The following KIF14 variants were observed in gnomAD, a reference collection of about 807,000 sequenced individuals.
The protein encoded by KIF14 is kinesin family member 14, also known as kinesin-like protein KIF14.
Under a neutral mutation model 176.2 loss-of-function variants are expected in KIF14, and 98 were observed. That is an observed-to-expected ratio of 0.56 (90% CI 0.47 to 0.66). The LOEUF (loss-of-function observed/expected upper bound fraction) is 0.66. KIF14 is among the 30% of genes least tolerant of loss of function. KIF14 has a pLI of 0.00. For missense variants in KIF14, 1,751 were observed against 1,920.4 expected (o/e 0.91, Z 1.65); for synonymous variants, 566 against 632.2 (o/e 0.90, Z 1.57).
At chr1:200,564,216 C>T (rs529420192) in intron 25 of KIF14, among the ~76,000 whole-genome samples, 2 of 149,078 alleles carry the variant, frequency 1.3e-5, no homozygotes, top group South Asian at 2.2e-4. Flanking sequence ...GCCAAGATCA[C>T]GCCACTGCAC....
chr1:200,600,346 T>G lies in KIF14; in HGVS notation c.2300+10A>C, dbSNP rs1257087870. 1 of 1,606,994 alleles carries G rather than the reference T, an allele frequency of 6.2e-7. No individual in the cohort carries two copies. The highest frequency in any genetic ancestry group is 8.5e-7 in the Non-Finnish European group (1 of 1,173,694). On this transcript the variant is annotated intron_variant, in intron 12 of 29. Coordinates refer to ENST00000367350, the MANE Select transcript of KIF14 (RefSeq NM_014875.3). Reference sequence around the variant, plus strand: ...CACACTTAACATTTAGAGTACTGACTGTACTCTACCTTTGCATTTCTGCCA... The same window carrying G: ...CACACTTAACATTTAGAGTACTGACGGTACTCTACCTTTGCATTTCTGCCA...
chr1:200,615,627 G>A lies in KIF14; in HGVS notation c.1113-18C>T, dbSNP rs1558094536. The A allele has an allele frequency of 8.8e-6, 14 of 1,582,836 alleles. No homozygotes were observed. The Admixed American group carries it at 1.5e-4, about 17-fold the overall frequency. On this transcript the variant is annotated intron_variant, in intron 2 of 29. Transcript: ENST00000367350. ...TCTTCTCTCTTGAAAGAAGCACAAA[G>A]AAAAAAATCAAGTAACTAAAATGAT...
At chr1:200,574,836 GATTT>G (rs1166536590) in intron 22 of KIF14, among the ~76,000 whole-genome samples, 2 of 151,028 alleles carry the variant, frequency 1.3e-5, no homozygotes, top group Non-Finnish European at 2.9e-5. Context: ...CTATCACTAT[GATTT>G]ATTATTTTGT....
chr1:200,603,563 G>A (rs892311393), intron 9 of KIF14, among the ~76,000 whole-genome samples: 1 of 151,908 alleles, frequency 6.6e-6, no homozygotes, highest in African/African-American at 2.4e-5. Context: ...CCTCCCACCT[G>A]AACCAAGTAG....
chr1:200,562,232 C>T (rs1317107367), intron 25 of KIF14, among the ~76,000 whole-genome samples: 3 of 152,198 alleles, frequency 2.0e-5, no homozygotes, highest in Admixed American at 2.0e-4. Context: ...GTCGCCTGGT[C>T]TCTCCATCCT....
At chr1:200,567,108 T>G (rs1285408340) in intron 23 of KIF14, among the ~76,000 whole-genome samples, 5 of 149,688 alleles carry the variant, frequency 3.3e-5, no homozygotes, top group African/African-American at 1.2e-4. Context: ...TGGGAGGAGG[T>G]TGCAGTGAGC....
At chr1:200,606,348 T>C (rs1027695868) in intron 6 of KIF14, among the ~76,000 whole-genome samples, 1 of 152,180 alleles carries the variant, frequency 6.6e-6, no homozygotes, top group Non-Finnish European at 1.5e-5. Context: ...CTAGCATGCA[T>C]CAAACTCTTA....
intron 1 of KIF14, among the ~76,000 whole-genome samples, chr1:200,619,498 G>A (rs558474800): frequency 1.3e-5 from 2 of 152,106 alleles, no homozygotes; most frequent in African/African-American, 4.8e-5. Context: ...GACTACAGGC[G>A]CCCACCACCA....
chr1:200,568,960 T>G (rs1183991395), intron 23 of KIF14, among the ~76,000 whole-genome samples: 1 of 150,232 alleles, frequency 6.7e-6, no homozygotes, highest in Non-Finnish European at 1.5e-5. Context: ...AGTTTCACTC[T>G]TGTTGCCCAG....
chr1:200,598,787 G>A (rs1446196740), intron 13 of KIF14, among the ~76,000 whole-genome samples: 1 of 152,072 alleles, frequency 6.6e-6, no homozygotes, highest in Non-Finnish European at 1.5e-5. Context: ...TCGAACTCCT[G>A]ACCTCAGGTG....
At chr1:200,577,513 T>C (rs907197398) in intron 21 of KIF14, among the ~76,000 whole-genome samples, 5 of 151,922 alleles carry the variant, frequency 3.3e-5, no homozygotes, top group African/African-American at 1.2e-4. Flanking sequence ...GATTGGTTGG[T>C]AGGCCAGGCA....
intron 19 of KIF14, among the ~76,000 whole-genome samples, chr1:200,582,755 CAGG>C (rs1658530536): frequency 6.6e-6 from 1 of 151,654 alleles, no homozygotes; most frequent in Non-Finnish European, 1.5e-5. Flanking sequence ...GAGGCTGAGG[CAGG>C]AGAATTGCTT....
Position 200,565,159 on chromosome 1 carries a change from A to T in KIF14, c.3981T>A (p.Asp1327Glu). 1 of 1,614,004 alleles carries T rather than the reference A, an allele frequency of 6.2e-7. No homozygotes were observed. Among genetic ancestry groups the T allele is most frequent in the Non-Finnish European group, 8.5e-7 (1 of 1,179,892 alleles). ...LVVLMKHWLSDLLPCTNIARL... is the reference protein window; with the variant it reads ...LVVLMKHWLSELLPCTNIARL... ...TTGCTATGTTGGTACAAGGCAGTAA[A>T]TCACTCAGCCAGTGTTTCATTAGCA... is the stretch of plus-strand genomic sequence containing the variant. Residue 1327 changes from aspartate to glutamate, a missense_variant, in exon 25 of 30, where the codon GAT becomes GAA. Coordinates refer to ENST00000367350, the MANE Select transcript of KIF14 (RefSeq NM_014875.3).
chr1:200,578,710 T>C (rs1195231581), intron 21 of KIF14, among the ~76,000 whole-genome samples: 1 of 151,822 alleles, frequency 6.6e-6, no homozygotes, highest in East Asian at 1.9e-4. Context: ...GATGATATAA[T>C]CAGGAAAAAA....
At position 200,582,092 on chromosome 1, in the gene KIF14, G is replaced by T. The variant is rs75730581; in HGVS notation, c.3242-798C>A. Among the ~76,000 whole-genome samples, 632 of 152,228 alleles carry T rather than the reference G, an allele frequency of 4.2e-3. 3 individuals carry two copies. The highest frequency in any genetic ancestry group is 6.0e-3 in the Non-Finnish European group (406 of 68,022). On this transcript the variant is annotated intron_variant, in intron 19 of 29. Transcript: ENST00000367350. ...GCTCCTAATTTGAATTTAAGATTAT[G>T]ACTGGGCACAGTAGCTCATGTCTAT...
intron 23 of KIF14, among the ~76,000 whole-genome samples, chr1:200,567,532 T>TAAAA (rs35456574): frequency 7.8e-6 from 1 of 127,790 alleles, no homozygotes; most frequent in Non-Finnish European, 1.6e-5. Context: ...AGACTCCGTC[T>TAAAA]AAAAAAAAAA....
rs1656545526 is a variant in KIF14, at chr1:200,551,791, A to G, written c.*1597T>C. The G allele has an allele frequency of 6.6e-6, 1 of 152,186 alleles. No homozygotes were observed. The highest frequency in any genetic ancestry group is 2.4e-5 in the African/African-American group (1 of 41,450). The allele number at this position is 152,186 out of a possible 1,614,324, so 9.4% of individuals were successfully genotyped here. A position where few individuals can be genotyped will look rare whatever the true frequency, so the allele number is the denominator to read the frequency against. On this transcript the variant is annotated 3_prime_UTR_variant, in exon 30 of 30. Coordinates refer to ENST00000367350, the MANE Select transcript of KIF14 (RefSeq NM_014875.3). ...GAAGTGCACCTCCCGGGAAATCCTC[A>G]TATGTACATCTACACTCCAGCAAAC... is the stretch of plus-strand genomic sequence containing the variant.
intron 19 of KIF14, among the ~76,000 whole-genome samples, chr1:200,582,343 A>C (rs1658506723): frequency 6.6e-6 from 1 of 151,912 alleles, no homozygotes; most frequent in African/African-American, 2.4e-5. Context: ...TCTGCACCCC[A>C]GCCTGTGTGA....
intron 23 of KIF14, among the ~76,000 whole-genome samples, chr1:200,567,230 G>A (rs1657511456): frequency 6.7e-6 from 1 of 148,758 alleles, no homozygotes; most frequent in African/African-American, 2.5e-5. Flanking sequence ...TTCTCCTTGA[G>A]GTATACTACA....
Sources: gnomAD v4.1 joint callset for allele counts (sites outside exome capture counted in the v4.1 genomes callset) on GRCh38, gnomAD v4.1.1 for gene constraint, MANE v1.5 for transcripts, NCBI Gene and HGNC (gene_info 2026-07-23, HGNC 2026-07-21) for gene names.